The following NALCN variants were observed in gnomAD, a reference collection of about 807,000 sequenced individuals.
NALCN encodes sodium leak channel, non-selective, also known as sodium leak channel NALCN.
Under a neutral mutation model 225.3 loss-of-function variants are expected in NALCN, and 111 were observed. That is an observed-to-expected ratio of 0.49 (90% confidence interval 0.42 to 0.58). The LOEUF is 0.58. NALCN is among the 20% of genes least tolerant of loss of function. The pLI is 0.00. For missense variants in NALCN, 1,378 were observed against 2,202.4 expected (o/e 0.63, Z 7.49); for synonymous variants, 764 against 769.0 (o/e 0.99, Z 0.11).
At chr13:101,215,886 C>T (rs560541902) in intron 13 of NALCN, among the ~76,000 whole-genome samples, 1 of 151,948 alleles carries the variant, frequency 6.6e-6, no homozygotes, top group Non-Finnish European at 1.5e-5. Context: ...AAGAAAAGGC[C>T]AGTACCTCTG....
intron 19 of NALCN, 61 bp from the exon 20 acceptor site, chr13:101,110,749 G>T: frequency 1.3e-6 from 2 of 1,532,350 alleles, no homozygotes; most frequent in South Asian, 2.3e-5. Context: ...TTCAAGCAGT[G>T]ACCATGATAA....
intron 15 of NALCN, among the ~76,000 whole-genome samples, chr13:101,164,730 G>T (rs1358600644): frequency 3.3e-5 from 5 of 152,238 alleles, no homozygotes; most frequent in African/African-American, 1.2e-4. Flanking sequence ...GTCTTAGTGT[G>T]ACAGAGAATT....
intron 30 of NALCN, among the ~76,000 whole-genome samples, chr13:101,088,011 C>T (rs947279180): frequency 6.6e-6 from 1 of 151,992 alleles, no homozygotes; most frequent in Non-Finnish European, 1.5e-5. Flanking sequence ...TAAAAAGATC[C>T]TTCTTCCTCT....
chr13:101,118,615 T>C (rs2139676589), intron 18 of NALCN, among the ~76,000 whole-genome samples: 1 of 152,270 alleles, frequency 6.6e-6, no homozygotes, highest in South Asian at 2.1e-4. Context: ...ATCAGAGTTT[T>C]TAAGTGTCAG....
chr13:101,287,758 T>G (rs571102092), intron 9 of NALCN, among the ~76,000 whole-genome samples: 1 of 152,340 alleles, frequency 6.6e-6, no homozygotes, highest in African/African-American at 2.4e-5. Context: ...CATTTGCAAC[T>G]GCTACAGTTT....
intron 37 of NALCN, among the ~76,000 whole-genome samples, chr13:101,070,192 G>A (rs756223166): frequency 2.0e-5 from 3 of 148,928 alleles, no homozygotes; most frequent in Admixed American, 6.8e-5. Context: ...TCAGCCTCCC[G>A]AGTAGCTGAG....
At chr13:101,216,605 GAACT>G (rs1349642132) in intron 13 of NALCN, among the ~76,000 whole-genome samples, 2 of 151,990 alleles carry the variant, frequency 1.3e-5, no homozygotes, top group Non-Finnish European at 2.9e-5. Context: ...AATATTAATT[GAACT>G]AATAGTTTTA....
At chr13:101,265,832 C>A (rs952816925) in intron 10 of NALCN, among the ~76,000 whole-genome samples, 1 of 152,074 alleles carries the variant, frequency 6.6e-6, no homozygotes, top group Non-Finnish European at 1.5e-5. Context: ...ATCAGACAGT[C>A]AAAATTCATC....
chr13:101,197,117 G>A (rs1017570889), intron 13 of NALCN, among the ~76,000 whole-genome samples: 2 of 152,130 alleles, frequency 1.3e-5, no homozygotes, highest in African/African-American at 4.8e-5. Context: ...CTATACATGA[G>A]TGGTTCTTAT....
intron 43 of NALCN, 183 bp downstream of exon 43, chr13:101,057,756 A>G (rs2031440506): frequency 1.6e-6 from 1 of 624,604 alleles, no homozygotes; most frequent in Non-Finnish European, 2.9e-6. Context: ...AATGTAAGTC[A>G]TATTTAGAGA....
At chr13:101,297,854 A>G (rs942282844) in intron 7 of NALCN, among the ~76,000 whole-genome samples, 1 of 152,206 alleles carries the variant, frequency 6.6e-6, no homozygotes, top group African/African-American at 2.4e-5. Flanking sequence ...GTTACTCAAG[A>G]TCATCAGTTT....
At chr13:101,365,346 C>T (rs1325601736) in intron 6 of NALCN, among the ~76,000 whole-genome samples, 2 of 152,102 alleles carry the variant, frequency 1.3e-5, no homozygotes, top group Middle Eastern at 3.2e-3. Context: ...CGGCCTCCAG[C>T]TTCATTCATG....
At chr13:101,325,207 T>C (rs2044900617) in intron 7 of NALCN, among the ~76,000 whole-genome samples, 1 of 152,144 alleles carries the variant, frequency 6.6e-6, no homozygotes, top group Admixed American at 6.6e-5. Flanking sequence ...CTTTATGAAA[T>C]ATCTCAAACA....
At chr13:101,148,375 G>C (rs957816445) in intron 15 of NALCN, among the ~76,000 whole-genome samples, 17 of 152,282 alleles carry the variant, frequency 1.1e-4, no homozygotes, top group African/African-American at 4.1e-4. Context: ...TTCTGGGCCT[G>C]CGTGTTTCTG....
rs2039412142 is a variant in NALCN at position 101,185,512 on chromosome 13, C to CA, written c.1764+6404dup. ...TTAGGTCTTCCATAGTCCCTATCCC[C>CA]AAATCATTGGCAAAGATGGGGAAAA... On this transcript the variant is annotated intron_variant, in intron 14 of 43. Coordinates refer to ENST00000251127, the MANE Select transcript of NALCN (RefSeq NM_052867.4). 2.6e-5 allele frequency among the ~76,000 whole-genome samples: 4 copies of CA among 152,274 alleles called. No individual in the cohort carries two copies. The South Asian group carries it at 8.3e-4, about 32-fold the overall frequency.
chr13:101,104,366 C>G lies in NALCN; in HGVS notation c.2818G>C (p.Asp940His). The G allele has an allele frequency of 6.2e-7, 1 of 1,613,840 alleles. No individual in the cohort carries two copies. Among genetic ancestry groups the G allele is most frequent in the Non-Finnish European group, 8.5e-7 (1 of 1,179,820 alleles). Reference sequence around the variant, plus strand: ...GCAGTTGGAGTGAAAAATAAGCCATCTGCCATAATCTTCAGATTAAGCTCA... The same window carrying G: ...GCAGTTGGAGTGAAAAATAAGCCATGTGCCATAATCTTCAGATTAAGCTCA... ...SIELNLKIMADGLFFTPTAVI... is the reference protein window; with the variant it reads ...SIELNLKIMAHGLFFTPTAVI... Residue 940 changes from aspartate (D) to histidine (H), a missense_variant, in exon 25 of 44, where the codon GAT becomes CAT. Physicochemically the swap from Asp to His is moderately conservative, Grantham distance 81. Around this residue, in one of 19 missense-constraint regions of NALCN, gnomAD observed 292 missense variants for 409.5 expected, o/e 0.71. Coordinates refer to ENST00000251127, the MANE Select transcript of NALCN (RefSeq NM_052867.4). This position sits in a 1 kb window ranked among gnomAD's most constrained non-coding sequence, Gnocchi z 4.2.
intron 1 of NALCN, among the ~76,000 whole-genome samples, chr13:101,411,821 T>C (rs528323667): frequency 1.3e-5 from 2 of 151,304 alleles, no homozygotes; most frequent in East Asian, 1.9e-4. Context: ...TTCTACCTCA[T>C]TTTTTTTTAC....
intron 7 of NALCN, among the ~76,000 whole-genome samples, chr13:101,343,201 C>T (rs1201657908): frequency 6.6e-6 from 1 of 152,042 alleles, no homozygotes; most frequent in African/African-American, 2.4e-5. Flanking sequence ...TACAGAGATA[C>T]ATAATATCAG....
chr13:101,331,452 A>G (rs1054205422), intron 7 of NALCN, among the ~76,000 whole-genome samples: 8 of 152,226 alleles, frequency 5.3e-5, no homozygotes, highest in African/African-American at 1.9e-4. Flanking sequence ...GAGAAAATTA[A>G]GAGTTCAGCA....
Sources: gnomAD v4.1 joint callset for allele counts (sites outside exome capture counted in the v4.1 genomes callset) on GRCh38, gnomAD v4.1.1 for gene constraint, gnomAD v4.1.1 regional missense constraint, Gnocchi (gnomAD v3.1) non-coding constraint, MANE v1.5 for transcripts, NCBI Gene and HGNC (gene_info 2026-07-23, HGNC 2026-07-21) for gene names.